Variants in MARCHF1 observed in about 807,000 individuals in gnomAD.
MARCHF1 encodes E3 ubiquitin-protein ligase MARCHF1.
A neutral mutation model predicts 54.2 loss-of-function variants in MARCHF1; 40 were observed. That is an observed-to-expected ratio of 0.74 (90% confidence interval 0.57 to 0.96). MARCHF1 has a LOEUF of 0.96. Ranked by LOEUF, MARCHF1 falls within the 40% of genes least tolerant of loss-of-function variation. The probability of loss-of-function intolerance (pLI) is 0.00; values close to 1 mark genes in which losing one functional copy is unlikely to be tolerated. For missense variants in MARCHF1, 586 were observed against 656.5 expected, an observed-to-expected ratio of 0.89 and a Z score of 1.17; for synonymous variants, 236 against 236.3, an observed-to-expected ratio of 1.00 and a Z score of 0.01.
intron 4 of MARCHF1, among the ~76,000 whole-genome samples, chr4:163,771,669 C>T (rs1747165482): frequency 6.6e-6 from 1 of 152,138 alleles, no homozygotes; most frequent in African/African-American, 2.4e-5. Flanking sequence ...GATTTCAGCA[C>T]ATGAATTTTA....
At chr4:164,011,333 C>T (rs1464847879) in intron 2 of MARCHF1, among the ~76,000 whole-genome samples, 3 of 152,078 alleles carry the variant, frequency 2.0e-5, no homozygotes, top group Non-Finnish European at 4.4e-5. Flanking sequence ...GAAGAGACAA[C>T]CCGCAGATGT....
intron 3 of MARCHF1, among the ~76,000 whole-genome samples, chr4:163,932,259 T>C (rs966907223): frequency 6.6e-6 from 1 of 152,228 alleles, no homozygotes; most frequent in Non-Finnish European, 1.5e-5. Context: ...GCCAATTACT[T>C]GAAATAAGAC....
rs776042187 is a variant in MARCHF1, at chr4:163,528,772, G to C, written c.1614C>G (p.Gly538=). The C allele has an allele frequency of 1.2e-6, 2 of 1,612,242 alleles. No individual in the cohort carries two copies. The highest frequency in any genetic ancestry group is 1.7e-6 in the Non-Finnish European group (2 of 1,178,834). Residue 538 remains glycine (G), a synonymous_variant, in exon 10 of 10, where the codon GGC becomes GGG. Coordinates refer to ENST00000514618, the MANE Select transcript of MARCHF1 (RefSeq NM_001394959.1). The stretch of plus-strand genomic sequence containing the variant: ...ATCAGACTGATACAACTTCAGGGGG[G>C]CCACCCTCTGCAGATGGCAGTGAAT... The part of the protein sequence containing the change: ...GANSLPSAEG[G]PPEVVSV
intron 3 of MARCHF1, among the ~76,000 whole-genome samples, chr4:163,911,008 C>T (rs1007964031): frequency 5.3e-5 from 8 of 152,138 alleles, no homozygotes; most frequent in African/African-American, 9.7e-5. Flanking sequence ...TTCAGCATTA[C>T]TGTGGGGGAA....
intron 1 of MARCHF1, chr4:164,188,247 C>T (rs1731025619): frequency 3.7e-6 from 1 of 272,096 alleles, no homozygotes; most frequent in Non-Finnish European, 7.2e-6. Context: ...CCGGCCGAGA[C>T]AGCACAGACA....
chr4:163,770,370 ATGAT>A (rs759889012), intron 4 of MARCHF1, among the ~76,000 whole-genome samples: 1 of 152,204 alleles, frequency 6.6e-6, no homozygotes, highest in East Asian at 1.9e-4. Flanking sequence ...AGTAAATAAA[ATGAT>A]TAATTGAAGA....
At chr4:163,887,947 G>T (rs762029233) in intron 3 of MARCHF1, among the ~76,000 whole-genome samples, 65 of 152,042 alleles carry the variant, frequency 4.3e-4, no homozygotes, top group Non-Finnish European at 6.9e-4. Context: ...TTTGCCTATT[G>T]GTCTCTTATT....
In MARCHF1 at chr4:163,612,372, T is replaced by G; in HGVS notation, c.909A>C (p.Glu303Asp). The change falls in exon 7 of 10, where the codon GAA (glutamate) becomes GAC (aspartate). Residue 303 changes from glutamate to aspartate, a missense_variant. By Grantham distance (45) the Glu-to-Asp change is conservative. Transcript: ENST00000514618. ...CTGCATCATTCATGTCCTTGCTGCC[T>G]TCTGGAACTCCCAGTATTTCAGTGC... ...DSSTEILGVPEGSKDMNDAGL... is the reference protein window; with the variant it reads ...DSSTEILGVPDGSKDMNDAGL... 6.5e-7 allele frequency: 1 copy of G among 1,535,446 alleles called. No individual in the cohort carries two copies. The highest frequency in any genetic ancestry group is 8.7e-7 in the Non-Finnish European group (1 of 1,146,458).
At chr4:164,241,795 C>G (rs963510601) in intron 1 of MARCHF1, among the ~76,000 whole-genome samples, 1 of 152,140 alleles carries the variant, frequency 6.6e-6, no homozygotes. Context: ...CGAAGCAGGG[C>G]GAGGCATTGC....
At chr4:163,764,537 C>T (rs551097121) in intron 4 of MARCHF1, among the ~76,000 whole-genome samples, 21 of 152,008 alleles carry the variant, frequency 1.4e-4, no homozygotes, top group African/African-American at 4.6e-4. Flanking sequence ...ATAGTTTTTA[C>T]GTTAAGAAAA....
rs536530080 is a variant in MARCHF1, at chr4:164,304,688, T to C, written c.-323+79182A>G. Among the ~76,000 whole-genome samples, 99 of 152,298 alleles carry C rather than the reference T, an allele frequency of 6.5e-4. No homozygotes were observed. In the South Asian group the frequency reaches 0.02, roughly 31 times the overall value. On this transcript the variant is annotated intron_variant, in intron 1 of 9. Coordinates refer to ENST00000514618, the MANE Select transcript of MARCHF1 (RefSeq NM_001394959.1). ...TCCCCAAATAACACTGAAAACACCT[T>C]TGATCCTTAACCTCTCAATGCTTTC... is the stretch of plus-strand genomic sequence containing the variant.
At chr4:163,629,919 C>A (rs932242277) in intron 5 of MARCHF1, among the ~76,000 whole-genome samples, 2 of 152,138 alleles carry the variant, frequency 1.3e-5, no homozygotes, top group African/African-American at 2.4e-5. Flanking sequence ...AATGACATAC[C>A]AGTATATAAC....
intron 1 of MARCHF1, among the ~76,000 whole-genome samples, chr4:164,361,734 A>G (rs1294356457): frequency 6.6e-6 from 1 of 152,172 alleles, no homozygotes; most frequent in Non-Finnish European, 1.5e-5. Context: ...CATTTTAAAC[A>G]TGTACAATTT....
intron 9 of MARCHF1, among the ~76,000 whole-genome samples, chr4:163,539,001 TTTTATTTATTTA>T (rs56805784): frequency 5.7e-4 from 85 of 149,100 alleles, no homozygotes; most frequent in African/African-American, 4.5e-4. Context: ...CTCCTGATGC[TTTTATTTATTTA>T]TTTATTTATT....
chr4:163,986,803 T>G (rs1347812844), intron 3 of MARCHF1, among the ~76,000 whole-genome samples: 1 of 152,168 alleles, frequency 6.6e-6, no homozygotes, highest in Non-Finnish European at 1.5e-5. Flanking sequence ...CTCTTAAAAA[T>G]TATATAAGCC....
chr4:163,723,209 G>T (rs1745536447), intron 4 of MARCHF1, among the ~76,000 whole-genome samples: 1 of 152,092 alleles, frequency 6.6e-6, no homozygotes, highest in Admixed American at 6.6e-5. Context: ...GCTCTTTTAG[G>T]GCAGGCCTGG....
chr4:163,643,048 C>T (rs1266464235), intron 5 of MARCHF1, among the ~76,000 whole-genome samples: 2 of 151,084 alleles, frequency 1.3e-5, no homozygotes, highest in Non-Finnish European at 2.9e-5. Context: ...CGCAGTGGCT[C>T]ATGCCTGTAA....
Position 163,585,933 on chromosome 4 carries a change from C to A in MARCHF1, c.1011-4G>T. On this transcript the variant is annotated splice_region_variant and splice_polypyrimidine_tract_variant and intron_variant, in intron 7 of 9. Transcript: ENST00000514618. ...ATCCCCTTCGCAGTGACAGATTCTG[C>A]AGAAAGACACAGCAGCCAGTATGAG... The A allele has an allele frequency of 6.3e-7, 1 of 1,596,782 alleles. No individual in the cohort carries two copies.
At chr4:164,308,446 G>A (rs1271936153) in intron 1 of MARCHF1, among the ~76,000 whole-genome samples, 1 of 152,018 alleles carries the variant, frequency 6.6e-6, no homozygotes, top group Non-Finnish European at 1.5e-5. Flanking sequence ...CTGGAGTTAT[G>A]ATCTGTAAGC....
Sources: gnomAD v4.1 joint callset for allele counts (sites outside exome capture counted in the v4.1 genomes callset) on GRCh38, gnomAD v4.1.1 for gene constraint, MANE v1.5 for transcripts, NCBI Gene and HGNC (gene_info 2026-07-23, HGNC 2026-07-21) for gene names.